Variants in MGST1 observed in about 807,000 individuals in gnomAD.
The protein encoded by MGST1 is microsomal glutathione S-transferase 1.
A neutral mutation model predicts 8.9 loss-of-function variants in MGST1; 5 were observed. That is an observed-to-expected ratio of 0.56 (90% CI 0.29 to 1.19). The LOEUF (loss-of-function observed/expected upper bound fraction) is 1.19, where lower values mean the gene tolerates loss of function less well. Among genes scored for constraint, MGST1 ranks in the 50% most tolerant of loss-of-function variants. MGST1 has a pLI of 0.08. For missense variants in MGST1, 182 were observed against 187.4 expected (o/e 0.97, Z 0.17); for synonymous variants, 54 against 67.8 (o/e 0.80, Z 1.00).
At chr12:16,570,397 A>C (rs1446839691) in intron 4 of MGST1, among the ~76,000 whole-genome samples, 2 of 152,106 alleles carry the variant, frequency 1.3e-5, no homozygotes, top group Non-Finnish European at 2.9e-5. Flanking sequence ...ATCTGGTTTG[A>C]AAATATTTTT....
At chr12:16,540,628 A>G (rs529781799) in intron 4 of MGST1, among the ~76,000 whole-genome samples, 1 of 152,328 alleles carries the variant, frequency 6.6e-6, no homozygotes, top group East Asian at 1.9e-4. Context: ...AGGTTGTTAT[A>G]AAATAAAAAA....
intron 1 of MGST1, among the ~76,000 whole-genome samples, chr12:16,419,597 A>G (rs952351083): frequency 6.6e-6 from 1 of 152,202 alleles, no homozygotes; most frequent in Non-Finnish European, 1.5e-5. Flanking sequence ...CAAAGAGGTT[A>G]TTCTCTAGTT....
At chr12:16,533,935 A>G (rs895717419) in intron 4 of MGST1, among the ~76,000 whole-genome samples, 1 of 152,154 alleles carries the variant, frequency 6.6e-6, no homozygotes, top group African/African-American at 2.4e-5. Context: ...CAGCATAGGT[A>G]GGAACAGGAG....
At chr12:16,535,831 G>A (rs1166438318) in intron 4 of MGST1, among the ~76,000 whole-genome samples, 3 of 152,132 alleles carry the variant, frequency 2.0e-5, no homozygotes, top group Non-Finnish European at 4.4e-5. Flanking sequence ...GACCTTTGAG[G>A]AAAGGTCAAA....
rs2137280949 is a variant in MGST1 at position 16,555,452 on chromosome 12, T to C, written n.483-34076T>C. Among the ~76,000 whole-genome samples the C allele has an allele frequency of 6.6e-6, 1 of 152,340 alleles. No homozygotes were observed. The highest frequency in any genetic ancestry group is 2.1e-4 in the South Asian group (1 of 4,828). ...GGTAAATGACCACGAGTTATATTTC[T>C]TTTGAACCCTTTGCAGAACCATCAT... On this transcript the variant is annotated intron_variant and non_coding_transcript_variant, in intron 4 of 4. Coordinates refer to the MGST1 transcript ENST00000538857. The surrounding 1 kb of genome is among the most constrained non-coding windows in gnomAD (Gnocchi z 5.5).
At position 16,410,797 on chromosome 12, in the gene MGST1, C is replaced by A. The variant is rs1428066695; in HGVS notation, n.779-26591C>A. On this transcript the variant is annotated intron_variant and non_coding_transcript_variant, in intron 1 of 1. Coordinates refer to the MGST1 transcript ENST00000359720. The surrounding 1 kb of genome is among the most constrained non-coding windows in gnomAD (Gnocchi z 4.4). ...ATCTCCCCATATCCCAAACCCTTCACCAGCTTCTCATTATTCACAAGAATA... is the reference window on the plus strand; with the variant it reads ...ATCTCCCCATATCCCAAACCCTTCAACAGCTTCTCATTATTCACAAGAATA... 3.3e-5 allele frequency among the ~76,000 whole-genome samples: 5 copies of A among 151,576 alleles called. No homozygotes were observed. The highest frequency in any genetic ancestry group is 9.7e-5 in the African/African-American group (4 of 41,306).
At chr12:16,357,771 C>T in intron 3 of MGST1, 72 bp downstream of exon 3, 2 of 1,283,752 alleles carry the variant, frequency 1.6e-6, no homozygotes, top group Non-Finnish European at 2.2e-6. Context: ...GAAGATGTCT[C>T]AGGGTCTTGG....
At chr12:16,558,108 A>G (rs1056403354) in intron 4 of MGST1, among the ~76,000 whole-genome samples, 7 of 152,096 alleles carry the variant, frequency 4.6e-5, no homozygotes, top group South Asian at 2.1e-4. Context: ...CACAAAATAT[A>G]AATTGAGTGA....
chr12:16,538,446 AG>A (rs1379614093), intron 4 of MGST1, among the ~76,000 whole-genome samples: 1 of 152,072 alleles, frequency 6.6e-6, no homozygotes, highest in Non-Finnish European at 1.5e-5. Flanking sequence ...GTATCTTGTC[AG>A]GAACGCCCCA....
chr12:16,463,812 C>T (rs1459468935), intron 4 of MGST1, among the ~76,000 whole-genome samples: 1 of 152,154 alleles, frequency 6.6e-6, no homozygotes, highest in Non-Finnish European at 1.5e-5. Flanking sequence ...CTAAGTACAG[C>T]TCATCTTTGC....
exon 1 of MGST1, chr12:16,383,286 T>G (rs1191359524): frequency 6.6e-6 from 1 of 152,474 alleles, no homozygotes; most frequent in African/African-American, 2.4e-5. Context: ...CCATCTTGGC[T>G]TCTCTCTGAG....
chr12:16,359,522 T>A (rs985623125), intron 3 of MGST1, among the ~76,000 whole-genome samples: 2 of 152,114 alleles, frequency 1.3e-5, no homozygotes, highest in African/African-American at 4.8e-5. Context: ...AGAATATGGA[T>A]ATAAAATAGT....
intron 4 of MGST1, among the ~76,000 whole-genome samples, chr12:16,459,398 T>G (rs1026530711): frequency 6.6e-6 from 1 of 152,088 alleles, no homozygotes; most frequent in Admixed American, 6.6e-5. Flanking sequence ...CAAGAACCTT[T>G]CCATTCAATA....
chr12:16,476,431 A>G (rs1025541736), intron 4 of MGST1, among the ~76,000 whole-genome samples: 2 of 152,334 alleles, frequency 1.3e-5, no homozygotes, highest in South Asian at 4.1e-4. Flanking sequence ...ATAGTAATAT[A>G]CTGCAACCTT....
At chr12:16,464,223 C>T (rs991413214) in intron 4 of MGST1, among the ~76,000 whole-genome samples, 2 of 152,144 alleles carry the variant, frequency 1.3e-5, no homozygotes, top group Non-Finnish European at 2.9e-5. Context: ...CTAAATGTAG[C>T]GGGAACACAA....
In MGST1 at chr12:16,537,665, C is replaced by T. The variant is rs914935362; in HGVS notation, n.483-51863C>T. ...GACTTCTGTGCACCTGCAGACTCAACACCATGTGAAAGGTGCCAAGGTTTG... is the reference window on the plus strand; with the variant it reads ...GACTTCTGTGCACCTGCAGACTCAATACCATGTGAAAGGTGCCAAGGTTTG... On this transcript the variant is annotated intron_variant and non_coding_transcript_variant, in intron 4 of 4. Coordinates refer to the MGST1 transcript ENST00000538857. The surrounding 1 kb of genome is among the most constrained non-coding windows in gnomAD (Gnocchi z 4.6). Among the ~76,000 whole-genome samples the T allele has an allele frequency of 3.9e-5, 6 of 152,228 alleles. No homozygotes were observed. The highest frequency in any genetic ancestry group is 8.8e-5 in the Non-Finnish European group (6 of 68,036).
At chr12:16,568,517 G>A (rs1942697103) in intron 4 of MGST1, among the ~76,000 whole-genome samples, 1 of 152,150 alleles carries the variant, frequency 6.6e-6, no homozygotes, top group Non-Finnish European at 1.5e-5. Flanking sequence ...TGTGGCTAAT[G>A]ACTACTTGAC....
At position 16,547,582 on chromosome 12, in the gene MGST1, A is replaced by G. The variant is rs1248598961; in HGVS notation, n.483-41946A>G. On this transcript the variant is annotated intron_variant and non_coding_transcript_variant, in intron 4 of 4. Coordinates refer to the MGST1 transcript ENST00000538857. The surrounding 1 kb of genome is among the most constrained non-coding windows in gnomAD (Gnocchi z 4.6). ...TCTAGGCCAACCCTAAGTCTGCCCA[A>G]CAGGAGGCTGAATGCTCAGGGAGAG... 6.6e-6 allele frequency among the ~76,000 whole-genome samples: 1 copy of G among 152,138 alleles called. No homozygotes were observed. Among genetic ancestry groups the G allele is most frequent in the Non-Finnish European group, 1.5e-5 (1 of 68,012 alleles).
intron 4 of MGST1, among the ~76,000 whole-genome samples, chr12:16,466,332 T>A (rs1941255017): frequency 6.6e-6 from 1 of 152,162 alleles, no homozygotes; most frequent in African/African-American, 2.4e-5. Context: ...CTCTCAGGAT[T>A]CTGAAATTTT....
Sources: allele counts gnomAD v4.1 joint callset (sites outside exome capture counted in the v4.1 genomes callset), GRCh38; gene constraint gnomAD v4.1.1; non-coding constraint Gnocchi (gnomAD v3.1); transcripts MANE v1.5; gene names NCBI Gene and HGNC (gene_info 2026-07-23, HGNC 2026-07-21).